Variants in DLK1 observed in about 807,000 individuals in gnomAD.
DLK1 encodes the protein protein delta homolog 1.
DLK1 carries 9 observed loss-of-function variants against 35.2 expected under a neutral mutation model. The observed-to-expected ratio is 0.26, with a 90% CI of 0.15 to 0.45. DLK1 has a LOEUF of 0.45. Among genes scored for constraint, DLK1 ranks in the 20% least tolerant of loss-of-function variants. DLK1 has a pLI of 1.00. For synonymous variants in DLK1, 231 were observed against 228.4 expected, an observed-to-expected ratio of 1.01 and a Z score of -0.10; for missense variants, 522 against 528.5, an observed-to-expected ratio of 0.99 and a Z score of 0.12.
rs768305645 is a variant in DLK1 at position 100,734,401 on chromosome 14, C to T, written c.657C>T (p.Asn219=). The T allele has an allele frequency of 2.1e-5, 34 of 1,611,466 alleles. No homozygotes were observed. Among genetic ancestry groups the T allele is most frequent in the South Asian group, 8.8e-5 (8 of 90,978 alleles). Residue 219 remains asparagine, a synonymous_variant, in exon 5 of 5, where the codon AAC becomes AAT. Coordinates refer to ENST00000341267, the MANE Select transcript of DLK1 (RefSeq NM_003836.7). This position sits in a 1 kb window ranked among gnomAD's most constrained non-coding sequence, Gnocchi z 7.4. ...ACTGCGCCAGCAGCCCGTGCCAGAACGGGGGCACCTGCCTGCAGCACACCC... is the reference window on the plus strand; with the variant it reads ...ACTGCGCCAGCAGCCCGTGCCAGAATGGGGGCACCTGCCTGCAGCACACCC... ...VTNCASSPCQ[N]GGTCLQHTQV... is the part of the protein sequence containing the mutation.
At chr14:100,730,707 C>A (rs562167578) in intron 3 of DLK1, among the ~76,000 whole-genome samples, 2 of 152,206 alleles carry the variant, frequency 1.3e-5, no homozygotes, top group African/African-American at 4.8e-5. Flanking sequence ...ACAGGAGAGT[C>A]GGGTGCAGAG....
intron 2 of DLK1, chr14:100,728,728 C>T (rs1291308702): frequency 1.3e-6 from 1 of 750,762 alleles, no homozygotes; most frequent in Admixed American, 2.5e-5. Context: ...CCCGGGATCT[C>T]GGGGCCCCTC....
intron 3 of DLK1, among the ~76,000 whole-genome samples, chr14:100,729,941 A>G (rs962188859): frequency 6.6e-6 from 1 of 152,236 alleles, no homozygotes; most frequent in African/African-American, 2.4e-5. Context: ...GCTAAGGAAT[A>G]TGAAAGAAGT....
intron 4 of DLK1, among the ~76,000 whole-genome samples, chr14:100,732,423 G>A (rs1314938054): frequency 1.3e-5 from 2 of 152,206 alleles, no homozygotes; most frequent in Non-Finnish European, 2.9e-5. Context: ...CTCAAGTCCC[G>A]ATGCGTGTGA....
At chr14:100,733,359 G>T in intron 4 of DLK1, among the ~76,000 whole-genome samples, 1 of 152,102 alleles carries the variant, frequency 6.6e-6, no homozygotes, top group East Asian at 1.9e-4. Flanking sequence ...ATGACAAAGG[G>T]CTCGCTCGTT....
In DLK1 at chr14:100,726,953, C is replaced by T. The variant is rs978559619; in HGVS notation, c.-116C>T. ...CGCAGCCCGGTGCAGCCCTGGCTTT[C>T]CCCTCGCTGCGCGCCCGCGCCCCCT... On this transcript the variant is annotated 5_prime_UTR_variant, in exon 1 of 5. Coordinates refer to ENST00000341267, the MANE Select transcript of DLK1 (RefSeq NM_003836.7). The surrounding 1 kb of genome is among the most constrained non-coding windows in gnomAD (Gnocchi z 4.2). 3 of 1,043,332 alleles carry T rather than the reference C, an allele frequency of 2.9e-6. No individual in the cohort carries two copies. Among genetic ancestry groups the T allele is most frequent in the Non-Finnish European group, 3.8e-6 (3 of 787,152 alleles). 64.6% of individuals were successfully genotyped at this position (1,043,332 alleles called of 1,614,324 possible).
At position 100,737,472 on chromosome 14, in the gene DLK1, G is replaced by A. The variant is rs2036586696; in HGVS notation, c.*2576G>A. 1 of 152,118 alleles carries A rather than the reference G, an allele frequency of 6.6e-6. No homozygotes were observed. The highest frequency in any genetic ancestry group is 2.0e-4 in the East Asian group (1 of 5,108). The allele number at this position is 152,118 out of a possible 1,614,324, so 9.4% of individuals were successfully genotyped here. ...ATGTTTTCGATCTTGATGCTATAGA[G>A]AACAGCCATGTTCCCCTGATAACAA... On this transcript the variant is annotated 3_prime_UTR_variant, in exon 5 of 5. Coordinates refer to ENST00000341267, the MANE Select transcript of DLK1 (RefSeq NM_003836.7).
chr14:100,729,200 A>G, intron 3 of DLK1, 134 bp downstream of exon 3: 1 of 1,473,246 alleles, frequency 6.8e-7, no homozygotes, highest in Non-Finnish European at 9.2e-7. Context: ...CCTGTATTCT[A>G]AAGATCTGTT....
In DLK1 at chr14:100,737,409, T is replaced by C. The variant is rs1447797693; in HGVS notation, c.*2513T>C. ...GATTCTGTTCCTCAGTTTCCCCAAATAGAAAATTCTAAGATTGGTCAGATG... is the reference window on the plus strand; with the variant it reads ...GATTCTGTTCCTCAGTTTCCCCAAACAGAAAATTCTAAGATTGGTCAGATG... On this transcript the variant is annotated 3_prime_UTR_variant, in exon 5 of 5. Coordinates refer to ENST00000341267, the MANE Select transcript of DLK1 (RefSeq NM_003836.7). 3 of 152,028 alleles carry C rather than the reference T, an allele frequency of 2.0e-5. No homozygotes were observed. The highest frequency in any genetic ancestry group is 4.4e-5 in the Non-Finnish European group (3 of 68,030). The allele number at this position is 152,028 out of a possible 1,614,324, so 9.4% of individuals were successfully genotyped here. A position where few individuals can be genotyped will look rare whatever the true frequency, so the allele number is the denominator to read the frequency against.
rs538230428 is a variant in DLK1, at chr14:100,736,283, G to A, written c.*1387G>A. 4.6e-5 allele frequency: 7 copies of A among 151,962 alleles called. No homozygotes were observed. The highest frequency in any genetic ancestry group is 1.7e-4 in the African/African-American group (7 of 41,384). 9.4% of individuals were successfully genotyped at this position (151,962 alleles called of 1,614,324 possible). On this transcript the variant is annotated 3_prime_UTR_variant, in exon 5 of 5. Coordinates refer to ENST00000341267, the MANE Select transcript of DLK1 (RefSeq NM_003836.7). ...GGGGTTGGACAGCTAAACAGCCCTTGGGTACCAGATAGGAATATTTTGCTT... is the reference window on the plus strand; with the variant it reads ...GGGGTTGGACAGCTAAACAGCCCTTAGGTACCAGATAGGAATATTTTGCTT...
Position 100,735,275 on chromosome 14 carries a change from G to C in DLK1, c.*379G>C, listed in dbSNP as rs1250495621. On this transcript the variant is annotated 3_prime_UTR_variant, in exon 5 of 5. Transcript: ENST00000341267. The stretch of plus-strand genomic sequence containing the variant: ...CACATGGTCCTCGTGAAACCGTTAC[G>C]AGTGCTGTACATGACCACCCACTGT... The C allele has an allele frequency of 5.4e-6, 1 of 186,162 alleles. No individual in the cohort carries two copies. The highest frequency in any genetic ancestry group is 2.4e-5 in the African/African-American group (1 of 42,438). The allele number at this position is 186,162 out of a possible 1,614,324, so 11.5% of individuals were successfully genotyped here. A position where few individuals can be genotyped will look rare whatever the true frequency, so the allele number is the denominator to read the frequency against.
Position 100,738,124 on chromosome 14 carries a change from A to T in DLK1, c.*3228A>T, listed in dbSNP as rs921044310. The T allele has an allele frequency of 1.3e-5, 2 of 151,794 alleles. No individual in the cohort carries two copies. Among genetic ancestry groups the T allele is most frequent in the Non-Finnish European group, 1.5e-5 (1 of 67,982 alleles). The allele number at this position is 151,794 out of a possible 1,614,324, so 9.4% of individuals were successfully genotyped here. A position where few individuals can be genotyped will look rare whatever the true frequency, so the allele number is the denominator to read the frequency against. ...GTATCAATTTTGTCACCAAAATGTT[A>T]AAAAAAATGTCCTTGGCGCTCTTTT... On this transcript the variant is annotated 3_prime_UTR_variant, in exon 5 of 5. Transcript: ENST00000341267.
chr14:100,727,364 C>T (rs1160761183), intron 1 of DLK1, among the ~76,000 whole-genome samples: 4 of 152,212 alleles, frequency 2.6e-5, no homozygotes, highest in South Asian at 2.1e-4. Flanking sequence ...AGCCCCTTCC[C>T]GCCCTGCAGA....
chr14:100,733,328 C>T (rs537772157), intron 4 of DLK1, among the ~76,000 whole-genome samples: 5 of 152,316 alleles, frequency 3.3e-5, no homozygotes, highest in South Asian at 2.1e-4. Context: ...CCTTCTTCCC[C>T]GGAGTTTTGC....
At position 100,735,592 on chromosome 14, in the gene DLK1, G is replaced by T. The variant is rs1195638981; in HGVS notation, c.*696G>T. ...AGGGGTTTGAACACCGACCACCATGGTCCTCTCTGGCTCTAAAACTCTGAA... is the reference window on the plus strand; with the variant it reads ...AGGGGTTTGAACACCGACCACCATGTTCCTCTCTGGCTCTAAAACTCTGAA... On this transcript the variant is annotated 3_prime_UTR_variant, in exon 5 of 5. Transcript: ENST00000341267. The T allele has an allele frequency of 2.0e-5, 3 of 152,244 alleles. No homozygotes were observed. The East Asian group carries it at 5.8e-4, about 29-fold the overall frequency. The allele number at this position is 152,244 out of a possible 1,614,324, so 9.4% of individuals were successfully genotyped here.
At chr14:100,727,254 C>A in intron 1 of DLK1, 119 bp downstream of exon 1, 3 of 1,062,050 alleles carry the variant, frequency 2.8e-6, no homozygotes, top group Admixed American at 6.5e-5. Context: ...TCCCGCCTAG[C>A]CCTAAGCCCC....
chr14:100,729,293 C>A (rs1443061142), intron 3 of DLK1: 49 of 743,938 alleles, frequency 6.6e-5, no homozygotes, highest in Non-Finnish European at 1.0e-4. Context: ...GCACCCAGCA[C>A]CTAGAGGGAA....
chr14:100,734,219 C>A lies in DLK1; in HGVS notation c.475C>A (p.Pro159Thr), dbSNP rs753972316. ...GRASHASCLC[P>T]PGFSGNFCEI... ...GGCCTCCCATGCCTCCTGCCTGTGCCCCCCTGGCTTCTCAGGCAATTTCTG... is the reference window on the plus strand; with the variant it reads ...GGCCTCCCATGCCTCCTGCCTGTGCACCCCTGGCTTCTCAGGCAATTTCTG... Residue 159 changes from proline to threonine, a missense_variant, in exon 5 of 5, where the codon CCC (proline) becomes ACC (threonine). Coordinates refer to ENST00000341267, the MANE Select transcript of DLK1 (RefSeq NM_003836.7). This position sits in a 1 kb window ranked among gnomAD's most constrained non-coding sequence, Gnocchi z 7.4. 6.2e-7 allele frequency: 1 copy of A among 1,613,294 alleles called. No individual in the cohort carries two copies. Among genetic ancestry groups the A allele is most frequent in the Admixed American group, 1.7e-5 (1 of 60,026 alleles).
At chr14:100,732,298 T>G in intron 4 of DLK1, 115 bp downstream of exon 4, 12 of 1,474,434 alleles carry the variant, frequency 8.1e-6, no homozygotes, top group Non-Finnish European at 1.1e-5. Context: ...AAGTAAGCGC[T>G]CATCCTGGCA....
Sources: gnomAD v4.1 joint callset for allele counts (sites outside exome capture counted in the v4.1 genomes callset) on GRCh38, gnomAD v4.1.1 for gene constraint, Gnocchi (gnomAD v3.1) non-coding constraint, MANE v1.5 for transcripts, NCBI Gene and HGNC (gene_info 2026-07-23, HGNC 2026-07-21) for gene names.